KHDRBS2: variants seen among roughly 807,000 people sequenced by gnomAD.
The protein encoded by KHDRBS2 is KH RNA binding domain containing, signal transduction associated 2.
KHDRBS2 carries 26 observed loss-of-function variants against 44.3 expected under a neutral mutation model. The observed-to-expected ratio is 0.59, with a 90% confidence interval of 0.43 to 0.81. The LOEUF (loss-of-function observed/expected upper bound fraction) is 0.81. Among genes scored for constraint, KHDRBS2 ranks in the 40% least tolerant of loss-of-function variants. The pLI is 0.00. For missense variants in KHDRBS2, 476 were observed against 433.1 expected (o/e 1.10, Z -0.88); for synonymous variants, 194 against 151.1 (o/e 1.28, Z -2.08).
chr6:62,199,205 C>A (rs1826357583), intron 1 of KHDRBS2, among the ~76,000 whole-genome samples: 1 of 152,124 alleles, frequency 6.6e-6, no homozygotes, highest in Admixed American at 6.6e-5. Flanking sequence ...TCTCACCACT[C>A]CTATTCAACA....
chr6:62,061,161 T>A (rs1030599359), intron 2 of KHDRBS2, among the ~76,000 whole-genome samples: 8 of 151,910 alleles, frequency 5.3e-5, no homozygotes, highest in African/African-American at 1.9e-4. Flanking sequence ...TTGGAGCATT[T>A]AGTCCATTTA....
chr6:61,598,557 A>G, the KHDRBS2 span, among the ~76,000 whole-genome samples: 1 of 152,168 alleles, frequency 6.6e-6, no homozygotes, highest in East Asian at 1.9e-4. Flanking sequence ...GAGATCAAAA[A>G]CTTTTTCCTG....
chr6:61,782,709 A>G (rs777855264), intron 6 of KHDRBS2, among the ~76,000 whole-genome samples: 22,833 of 119,616 alleles, frequency 0.19, 3,418 homozygotes, highest in African/African-American at 0.39. Context: ...ATATATATAT[A>G]TATATATATA....
intron 2 of KHDRBS2, among the ~76,000 whole-genome samples, chr6:62,093,756 C>G (rs1799945255): frequency 6.6e-6 from 1 of 151,510 alleles, no homozygotes; most frequent in Non-Finnish European, 1.5e-5. Context: ...TCTTTCTGTG[C>G]TTGCCTTATT....
the KHDRBS2 span, among the ~76,000 whole-genome samples, chr6:61,579,127 C>T: frequency 8.5e-5 from 13 of 152,094 alleles, no homozygotes; most frequent in Non-Finnish European, 1.8e-4. Context: ...ATAGAGAACA[C>T]ATTAGCTATT....
the KHDRBS2 span, among the ~76,000 whole-genome samples, chr6:61,656,007 T>C: frequency 6.6e-6 from 1 of 152,194 alleles, no homozygotes; most frequent in African/African-American, 2.4e-5. Context: ...AGAAATCTGA[T>C]GTTCATTTCA....
chr6:62,035,512 T>C (rs115387852), intron 3 of KHDRBS2, among the ~76,000 whole-genome samples: 1 of 151,980 alleles, frequency 6.6e-6, no homozygotes, highest in South Asian at 2.1e-4. Context: ...TTAGTGGCTG[T>C]GGGGAAAGGT....
intron 6 of KHDRBS2, among the ~76,000 whole-genome samples, chr6:61,858,885 G>C (rs1796518264): frequency 6.6e-6 from 1 of 151,708 alleles, no homozygotes; most frequent in South Asian, 2.1e-4. Context: ...TAAATTATTT[G>C]ATTTAATATT....
chr6:61,733,020 A>C (rs964029155), intron 6 of KHDRBS2, among the ~76,000 whole-genome samples: 4 of 152,192 alleles, frequency 2.6e-5, no homozygotes, highest in Admixed American at 2.6e-4. Context: ...TAGAATTTTC[A>C]TCAATAATAA....
intron 6 of KHDRBS2, among the ~76,000 whole-genome samples, chr6:61,758,975 A>C (rs1778895877): frequency 6.6e-6 from 1 of 151,948 alleles, no homozygotes; most frequent in African/African-American, 2.4e-5. Context: ...CACATGGACA[A>C]TACTATAATG....
At chr6:61,920,703 C>A (rs1349264502) in intron 4 of KHDRBS2, among the ~76,000 whole-genome samples, 4 of 152,014 alleles carry the variant, frequency 2.6e-5, no homozygotes, top group African/African-American at 7.2e-5. Flanking sequence ...AGAAGCTATT[C>A]TTGACTGAGT....
intron 6 of KHDRBS2, among the ~76,000 whole-genome samples, chr6:61,757,905 C>T (rs1326993325): frequency 2.0e-5 from 3 of 152,092 alleles, no homozygotes; most frequent in Non-Finnish European, 2.9e-5. Context: ...CAGTCCTGTG[C>T]GAATGCTGGA....
At chr6:61,894,088 G>C (rs1802487283) in intron 6 of KHDRBS2, among the ~76,000 whole-genome samples, 2 of 152,040 alleles carry the variant, frequency 1.3e-5, no homozygotes, top group African/African-American at 4.8e-5. Context: ...AGATACAGTA[G>C]ATAGGAAGGG....
chr6:61,827,078 G>A (rs943344464), intron 6 of KHDRBS2, among the ~76,000 whole-genome samples: 2 of 152,208 alleles, frequency 1.3e-5, no homozygotes, highest in South Asian at 2.1e-4. Flanking sequence ...CAATCACCTC[G>A]TGCTGGAAGT....
chr6:61,999,330 T>G (rs1383985415), intron 3 of KHDRBS2, among the ~76,000 whole-genome samples: 1 of 152,132 alleles, frequency 6.6e-6, no homozygotes, highest in Non-Finnish European at 1.5e-5. Flanking sequence ...CTAATCAAGG[T>G]TTGCATAGTT....
intron 6 of KHDRBS2, among the ~76,000 whole-genome samples, chr6:61,788,841 C>T (rs1334387212): frequency 6.7e-6 from 1 of 150,300 alleles, no homozygotes; most frequent in Non-Finnish European, 1.5e-5. Flanking sequence ...TATCATGATG[C>T]CTGAAAAAAA....
chr6:61,706,139 T>C (rs1265345061), intron 7 of KHDRBS2, among the ~76,000 whole-genome samples: 1 of 151,788 alleles, frequency 6.6e-6, no homozygotes, highest in Non-Finnish European at 1.5e-5. Context: ...ATCCAACAAC[T>C]CATTGCATCA....
chr6:61,949,302 G>C (rs1160236021), intron 4 of KHDRBS2, among the ~76,000 whole-genome samples: 1 of 152,074 alleles, frequency 6.6e-6, no homozygotes, highest in African/African-American at 2.4e-5. Flanking sequence ...AGATAGGGAG[G>C]TTTATTAGCC....
intron 6 of KHDRBS2, among the ~76,000 whole-genome samples, chr6:61,830,292 T>G (rs538103692): frequency 1.1e-4 from 16 of 152,256 alleles, no homozygotes; most frequent in African/African-American, 3.6e-4. Flanking sequence ...CTGTTTGGGG[T>G]AAGCCTGGAG....
Sources: allele counts gnomAD v4.1 joint callset (sites outside exome capture counted in the v4.1 genomes callset), GRCh38; gene constraint gnomAD v4.1.1; transcripts MANE v1.5; gene names NCBI Gene and HGNC (gene_info 2026-07-23, HGNC 2026-07-21).